The following CYP4F8 variants were observed in gnomAD, a reference collection of about 807,000 sequenced individuals.
CYP4F8 encodes cytochrome P450 family 4 subfamily F member 8.
A neutral mutation model predicts 55.0 loss-of-function variants in CYP4F8; 56 were observed. The ratio of observed to expected loss-of-function variants is 1.02; its 90% confidence interval spans 0.82 to 1.27. The LOEUF (loss-of-function observed/expected upper bound fraction) is 1.27. Ranked by LOEUF, CYP4F8 falls within the 50% of genes most tolerant of loss-of-function variation. CYP4F8 has a pLI of 0.00. For synonymous variants in CYP4F8, 288 were observed against 267.3 expected, an observed-to-expected ratio of 1.08 and a Z score of -0.76; for missense variants, 680 against 682.4, an observed-to-expected ratio of 1.00 and a Z score of 0.04.
chr19:15,620,954 C>T (rs867613802), intron 5 of CYP4F8, among the ~76,000 whole-genome samples: 4 of 152,054 alleles, frequency 2.6e-5, no homozygotes, highest in Admixed American at 1.3e-4. Flanking sequence ...CCAGAAGACA[C>T]GAGACTTCTG....
chr19:15,615,935 A>T (rs1305141668), intron 2 of CYP4F8, 121 bp downstream of exon 2: 5 of 1,064,114 alleles, frequency 4.7e-6, no homozygotes, highest in Non-Finnish European at 6.4e-6. Context: ...CTGATCACTC[A>T]CTCATTCCTC....
chr19:15,617,483 C>CATCTATCTATCTATCT (rs71176449), intron 2 of CYP4F8, among the ~76,000 whole-genome samples: 70 of 149,676 alleles, frequency 4.7e-4, no homozygotes, highest in East Asian at 8.0e-4. Context: ...TCAATATCTA[C>CATCTATCTATCTATCT]ATCTATCTAT....
At position 15,620,907 on chromosome 19, in the gene CYP4F8, G is replaced by A. The variant is rs542578599; in HGVS notation, c.525+1145G>A. ...ACTAGGATTTTTTTTTCTCCTGTGA[G>A]CTAATAAATTAGCTTGTTACTTTTG... On this transcript the variant is annotated intron_variant, in intron 5 of 12. Transcript: ENST00000612078. 2.0e-5 allele frequency among the ~76,000 whole-genome samples: 3 copies of A among 152,280 alleles called. No individual in the cohort carries two copies. In the South Asian group the frequency reaches 6.2e-4, roughly 32 times the overall value.
chr19:15,622,416 A>G, intron 6 of CYP4F8, 76 bp downstream of exon 6: 2 of 1,581,080 alleles, frequency 1.3e-6, no homozygotes, highest in Non-Finnish European at 1.7e-6. Context: ...GCCCAGGGAG[A>G]CAAGAAGAGC....
At chr19:15,618,420 T>G in intron 3 of CYP4F8, 1 of 547,024 alleles carries the variant, frequency 1.8e-6, no homozygotes, top group South Asian at 1.7e-5. Context: ...TCCCCAAACT[T>G]GAAGAGATGG....
At chr19:15,625,788 C>T (rs910133682) in intron 9 of CYP4F8, among the ~76,000 whole-genome samples, 4 of 152,110 alleles carry the variant, frequency 2.6e-5, no homozygotes, top group Admixed American at 6.6e-5. Context: ...GGCAAATTCT[C>T]GTCATTTTTC....
At chr19:15,615,386 G>T (rs1972102052) in intron 1 of CYP4F8, 106 bp downstream of exon 1, 4 of 458,948 alleles carry the variant, frequency 8.7e-6, no homozygotes, top group Non-Finnish European at 1.5e-5. Flanking sequence ...GTAACCAGAG[G>T]TCAAGTTGGC....
chr19:15,629,070 A>G, intron 12 of CYP4F8, 123 bp from the exon 13 acceptor site: 2 of 1,392,632 alleles, frequency 1.4e-6, no homozygotes, highest in Non-Finnish European at 1.9e-6. Context: ...TCCCAGACCC[A>G]GCTTCCCCCC....
chr19:15,629,442 G>C lies in CYP4F8; in HGVS notation c.*84G>C. On this transcript the variant is annotated 3_prime_UTR_variant, in exon 13 of 13. Transcript: ENST00000612078. ...TTCAGATTTCCGGTAATAAATCTGTGTTGGCCCCTGTGCCTCAGTCCCGCG... is the reference window on the plus strand; with the variant it reads ...TTCAGATTTCCGGTAATAAATCTGTCTTGGCCCCTGTGCCTCAGTCCCGCG... The C allele has an allele frequency of 6.9e-7, 1 of 1,459,426 alleles. No individual in the cohort carries two copies. Among genetic ancestry groups the C allele is most frequent in the South Asian group, 1.4e-5 (1 of 70,556 alleles). The allele number at this position is 1,459,426 out of a possible 1,614,324, so 90.4% of individuals were successfully genotyped here. A position where few individuals can be genotyped will look rare whatever the true frequency, so the allele number is the denominator to read the frequency against.
chr19:15,628,601 G>A lies in CYP4F8; in HGVS notation c.1314+6G>A. 1.9e-6 allele frequency: 3 copies of A among 1,613,184 alleles called. No homozygotes were observed. The highest frequency in any genetic ancestry group is 2.5e-6 in the Non-Finnish European group (3 of 1,179,522). ...CAGTCTGGCCAGACCCTGAGGTGCTGCCCCTCCCTGTTTCTCCATCCCCCG... is the reference window on the plus strand; with the variant it reads ...CAGTCTGGCCAGACCCTGAGGTGCTACCCCTCCCTGTTTCTCCATCCCCCG... On this transcript the variant is annotated splice_donor_region_variant and intron_variant, in intron 11 of 12. Transcript: ENST00000612078.
In CYP4F8 at chr19:15,615,814, G is replaced by A. The variant is rs957969743; in HGVS notation, c.198G>A (p.Leu66=). ...KQNWFLGHLG[L]VTPTEEGLRV... is the part of the protein sequence containing the mutation. ...ACTGGTTCTTGGGTCACCTGGGCCT[G>A]GTGAGTGGCAGGAGGATGGATCTAG... Residue 66 remains leucine (L), a splice_region_variant and synonymous_variant, in exon 2 of 13, where the codon CTG becomes CTA. Transcript: ENST00000612078. 2 of 1,608,856 alleles carry A rather than the reference G, an allele frequency of 1.2e-6. No individual in the cohort carries two copies. Among genetic ancestry groups the A allele is most frequent in the South Asian group, 1.1e-5 (1 of 90,448 alleles).
At chr19:15,625,609 G>C (rs1972253073) in intron 9 of CYP4F8, among the ~76,000 whole-genome samples, 1 of 151,808 alleles carries the variant, frequency 6.6e-6, no homozygotes, top group Non-Finnish European at 1.5e-5. Context: ...AGTTTGTTCT[G>C]TCTCATTACT....
chr19:15,615,501 A>T, intron 1 of CYP4F8, 115 bp from the exon 2 acceptor site: 2 of 1,239,128 alleles, frequency 1.6e-6, no homozygotes, highest in South Asian at 3.2e-5. Flanking sequence ...TTCCCCTGAG[A>T]TTCCCTGAAT....
rs778954214 is a variant in CYP4F8, at chr19:15,628,857, G to A, written c.1397+14G>A. 2 of 1,578,384 alleles carry A rather than the reference G, an allele frequency of 1.3e-6. No homozygotes were observed. The highest frequency in any genetic ancestry group is 1.7e-6 in the Non-Finnish European group (2 of 1,164,078). ...GGCGGGGCCCAGGTGAGGCCAGGGGGTGTCTGAGGTGGGCATGGGCTGAGG... is the reference window on the plus strand; with the variant it reads ...GGCGGGGCCCAGGTGAGGCCAGGGGATGTCTGAGGTGGGCATGGGCTGAGG... On this transcript the variant is annotated intron_variant, in intron 12 of 12. Coordinates refer to ENST00000612078, the MANE Select transcript of CYP4F8 (RefSeq NM_007253.4).
chr19:15,628,444 C>T lies in CYP4F8; in HGVS notation c.1249+9C>T, dbSNP rs747743859. 6.2e-7 allele frequency: 1 copy of T among 1,613,904 alleles called. No homozygotes were observed. Among genetic ancestry groups the T allele is most frequent in the South Asian group, 1.1e-5 (1 of 91,078 alleles). On this transcript the variant is annotated intron_variant, in intron 10 of 12. Transcript: ENST00000612078. ...CCGAGTCATCCCCAAAGGTGCCCTCCATGGCAGGGGAGGAGGGTCCTGGGC... is the reference window on the plus strand; with the variant it reads ...CCGAGTCATCCCCAAAGGTGCCCTCTATGGCAGGGGAGGAGGGTCCTGGGC...
intron 2 of CYP4F8, among the ~76,000 whole-genome samples, chr19:15,617,534 C>CT (rs59119330): frequency 2.7e-5 from 4 of 149,928 alleles, no homozygotes; most frequent in African/African-American, 4.9e-5. Context: ...ATCTATCTAT[C>CT]AGTCCGTCTG....
chr19:15,622,856 A>G (rs1568383545), intron 6 of CYP4F8: 6 of 547,072 alleles, frequency 1.1e-5, no homozygotes, highest in Admixed American at 3.1e-5. Flanking sequence ...GATTTGGGAG[A>G]AACTGAGTAA....
In CYP4F8 at chr19:15,617,265, C is replaced by T. The variant is rs187232528; in HGVS notation, c.199-735C>T. ...CCATGAACAGACAGTTTGTCTTCCC[C>T]CTGTTCCCTGGGATGTAGCCTTGGA... On this transcript the variant is annotated intron_variant, in intron 2 of 12. Transcript: ENST00000612078. 2.9e-3 allele frequency among the ~76,000 whole-genome samples: 445 copies of T among 152,234 alleles called. 6 individuals are homozygous for T. The highest frequency in any genetic ancestry group is 9.1e-4 in the Non-Finnish European group (62 of 68,008).
chr19:15,620,172 A>G (rs1391524209), intron 5 of CYP4F8, among the ~76,000 whole-genome samples: 2 of 152,192 alleles, frequency 1.3e-5, no homozygotes, highest in Admixed American at 6.5e-5. Flanking sequence ...CTCATGGTAT[A>G]AGAGCAGCTG....
Sources: allele counts gnomAD v4.1 joint callset (sites outside exome capture counted in the v4.1 genomes callset), GRCh38; gene constraint gnomAD v4.1.1; transcripts MANE v1.5; gene names NCBI Gene and HGNC (gene_info 2026-07-23, HGNC 2026-07-21).